Variants in NRG3 observed in about 807,000 individuals in gnomAD.
NRG3 encodes the protein pro-neuregulin-3, membrane-bound isoform.
NRG3 carries 31 observed loss-of-function variants against 66.9 expected under a neutral mutation model. The observed-to-expected ratio is 0.46, with a 90% CI of 0.35 to 0.63. The LOEUF (loss-of-function observed/expected upper bound fraction) is 0.63, where lower values mean the gene tolerates loss of function less well. Ranked by LOEUF, NRG3 falls within the 20% of genes least tolerant of loss-of-function variation. NRG3 has a pLI of 0.00. For missense variants in NRG3, 910 were observed against 878.9 expected (o/e 1.04, Z -0.45); for synonymous variants, 393 against 359.4 (o/e 1.09, Z -1.06).
intron 2 of NRG3, among the ~76,000 whole-genome samples, chr10:82,590,840 G>T (rs1475818399): frequency 2.6e-5 from 4 of 152,204 alleles, no homozygotes; most frequent in African/African-American, 9.6e-5. Flanking sequence ...TGCAAAGGAA[G>T]TCAGTATCAA....
chr10:82,521,707 A>T (rs1846207884), intron 2 of NRG3, among the ~76,000 whole-genome samples: 1 of 152,266 alleles, frequency 6.6e-6, no homozygotes, highest in South Asian at 2.1e-4. Context: ...TTCGTGAAAG[A>T]TTTCTCTGTA....
At chr10:82,916,435 G>T (rs1845835056) in intron 4 of NRG3, among the ~76,000 whole-genome samples, 1 of 152,126 alleles carries the variant, frequency 6.6e-6, no homozygotes, top group Non-Finnish European at 1.5e-5. Flanking sequence ...CCGGGTGACA[G>T]AGCAAGACCT....
At chr10:82,536,189 G>A (rs1847797801) in intron 2 of NRG3, among the ~76,000 whole-genome samples, 1 of 152,078 alleles carries the variant, frequency 6.6e-6, no homozygotes, top group Non-Finnish European at 1.5e-5. Context: ...CACTCAGCAA[G>A]ATTTTTTAAC....
At position 82,662,603 on chromosome 10, in the gene NRG3, C is replaced by A. The variant is rs532245859; in HGVS notation, c.954-75974C>A. 8.9e-4 allele frequency among the ~76,000 whole-genome samples: 135 copies of A among 152,136 alleles called. 1 individual carries two copies. The highest frequency in any genetic ancestry group is 1.8e-3 in the Non-Finnish European group (122 of 68,040). ...ATTCAGAAGAGCCAGGCTGAAGCTACAGAGCAAGGGAATGGATATGTGCCA... is the reference window on the plus strand; with the variant it reads ...ATTCAGAAGAGCCAGGCTGAAGCTAAAGAGCAAGGGAATGGATATGTGCCA... On this transcript the variant is annotated intron_variant, in intron 2 of 8. Coordinates refer to ENST00000372141, the MANE Select transcript of NRG3 (RefSeq NM_001010848.4).
chr10:82,952,292 G>T (rs1455015763), intron 5 of NRG3, among the ~76,000 whole-genome samples: 1 of 152,002 alleles, frequency 6.6e-6, no homozygotes, highest in Non-Finnish European at 1.5e-5. Context: ...AATTAGTTGG[G>T]CATGGTGGCG....
chr10:82,449,891 G>A (rs760064210), intron 2 of NRG3, among the ~76,000 whole-genome samples: 1 of 152,188 alleles, frequency 6.6e-6, no homozygotes, highest in Non-Finnish European at 1.5e-5. Context: ...TGATGGGAGA[G>A]AGATAGCAGA....
chr10:82,129,892 T>C (rs2068699260), intron 1 of NRG3, among the ~76,000 whole-genome samples: 1 of 152,144 alleles, frequency 6.6e-6, no homozygotes, highest in African/African-American at 2.4e-5. Context: ...TAAATTATCA[T>C]TGACTGTAAT....
intron 2 of NRG3, among the ~76,000 whole-genome samples, chr10:82,621,645 G>A (rs2049047413): frequency 6.6e-6 from 1 of 152,184 alleles, no homozygotes; most frequent in East Asian, 1.9e-4. Context: ...ACTGGGGGGA[G>A]ATAGTAAAAA....
At chr10:82,588,105 TC>T (rs2046778071) in intron 2 of NRG3, among the ~76,000 whole-genome samples, 1 of 152,040 alleles carries the variant, frequency 6.6e-6, no homozygotes, top group Non-Finnish European at 1.5e-5. Context: ...ACCCAGGACC[TC>T]CTGGTTCCAA....
intron 1 of NRG3, among the ~76,000 whole-genome samples, chr10:82,284,296 A>G (rs2079288649): frequency 6.6e-6 from 1 of 152,222 alleles, no homozygotes; most frequent in African/African-American, 2.4e-5. Context: ...AGACGCCATA[A>G]ACATCTTAGT....
At chr10:82,121,362 A>C (rs2068078461) in intron 1 of NRG3, among the ~76,000 whole-genome samples, 1 of 152,158 alleles carries the variant, frequency 6.6e-6, no homozygotes, top group Admixed American at 6.5e-5. Flanking sequence ...CCTGTAAGCA[A>C]TTGACTTGAT....
At position 82,469,309 on chromosome 10, in the gene NRG3, A is replaced by T. The variant is rs924602959; in HGVS notation, c.953+110441A>T. Among the ~76,000 whole-genome samples the T allele has an allele frequency of 2.0e-5, 3 of 152,158 alleles. No individual in the cohort carries two copies. In the East Asian group the frequency reaches 5.8e-4, roughly 29 times the overall value. ...TTTACAAAGCGTTGAGACAAGTACAAGGGAGATAGTAATGGTCAGACACAA... is the reference window on the plus strand; with the variant it reads ...TTTACAAAGCGTTGAGACAAGTACATGGGAGATAGTAATGGTCAGACACAA... On this transcript the variant is annotated intron_variant, in intron 2 of 8. Transcript: ENST00000372141.
At chr10:82,408,064 A>AGAGAGC (rs2087686224) in intron 2 of NRG3, among the ~76,000 whole-genome samples, 1 of 132,068 alleles carries the variant, frequency 7.6e-6, no homozygotes, top group African/African-American at 3.2e-5. Flanking sequence ...AGAGAGAGAG[A>AGAGAGC]GAGAGAGAGA....
At chr10:82,134,750 T>C (rs1402350648) in intron 1 of NRG3, among the ~76,000 whole-genome samples, 2 of 152,124 alleles carry the variant, frequency 1.3e-5, no homozygotes, top group Non-Finnish European at 2.9e-5. Context: ...GGGCTCTTTT[T>C]TGGTTCCATA....
At chr10:82,429,698 A>G (rs2089671360) in intron 2 of NRG3, among the ~76,000 whole-genome samples, 1 of 152,082 alleles carries the variant, frequency 6.6e-6, no homozygotes, top group African/African-American at 2.4e-5. Flanking sequence ...AATTCTTTAA[A>G]TATTTTTTCC....
At chr10:82,302,070 A>AT (rs953643567) in intron 1 of NRG3, among the ~76,000 whole-genome samples, 33 of 134,682 alleles carry the variant, frequency 2.5e-4, no homozygotes, top group Middle Eastern at 3.9e-3. Flanking sequence ...GCCCTTTCCT[A>AT]TTTTTTTTTT....
intron 1 of NRG3, among the ~76,000 whole-genome samples, chr10:82,305,432 A>G (rs2080668208): frequency 6.6e-6 from 1 of 152,136 alleles, no homozygotes; most frequent in Non-Finnish European, 1.5e-5. Context: ...ACCTTGTTCA[A>G]AAACCCCTTT....
chr10:82,637,936 C>G (rs1047939477), intron 2 of NRG3, among the ~76,000 whole-genome samples: 20 of 152,016 alleles, frequency 1.3e-4, no homozygotes, highest in Non-Finnish European at 2.1e-4. Flanking sequence ...AAAATGTCCT[C>G]ATTTGTGAGA....
At chr10:82,430,155 T>G (rs1182879799) in intron 2 of NRG3, among the ~76,000 whole-genome samples, 2 of 152,206 alleles carry the variant, frequency 1.3e-5, no homozygotes, top group Non-Finnish European at 2.9e-5. Flanking sequence ...TGTCTTTTTC[T>G]AGTAAGTCCA....
Sources: allele counts gnomAD v4.1 joint callset (sites outside exome capture counted in the v4.1 genomes callset), GRCh38; gene constraint gnomAD v4.1.1; transcripts MANE v1.5; gene names NCBI Gene and HGNC (gene_info 2026-07-23, HGNC 2026-07-21).